The following CDKL5 variants were observed in gnomAD, a reference collection of about 807,000 sequenced individuals.
The protein encoded by CDKL5 is cyclin dependent kinase like 5.
CDKL5 carries 8 observed loss-of-function variants against 61.7 expected under a neutral mutation model. That is an observed-to-expected ratio of 0.13 (90% CI 0.08 to 0.23). CDKL5 has a LOEUF of 0.23. Among genes scored for constraint, CDKL5 ranks in the 10% least tolerant of loss-of-function variants. The probability of loss-of-function intolerance (pLI) is 1.00; values close to 1 mark genes in which losing one functional copy is unlikely to be tolerated. For synonymous variants in CDKL5, 275 were observed against 272.3 expected (o/e 1.01, Z -0.10); for missense variants, 440 against 734.5 (o/e 0.60, Z 4.63).
At chrX:18,530,189 G>A (rs1923592847) in intron 3 of CDKL5, among the ~76,000 whole-genome samples, 1 of 107,683 alleles carries the variant, frequency 9.3e-6, no homozygotes, top group Admixed American at 1.0e-4. Context: ...AAAATTAGCC[G>A]GGCATGGTGG....
intron 6 of CDKL5, 127 bp from the exon 7 acceptor site, chrX:18,581,764 C>G (rs1217022178): frequency 2.3e-5 from 10 of 431,794 alleles, no homozygotes; most frequent in Non-Finnish European, 3.2e-5. Flanking sequence ...TTTATTTTTG[C>G]TGCCACAGTT....
intron 17 of CDKL5, 51 bp from the exon 18 acceptor site, chrX:18,628,320 T>G (rs752455556): frequency 2.9e-5 from 34 of 1,174,138 alleles, no homozygotes; most frequent in Non-Finnish European, 3.8e-5. Context: ...CTCCCCAGCC[T>G]TATGGTCGCT....
At chrX:18,568,449 CTA>C (rs1244279251) in intron 4 of CDKL5, among the ~76,000 whole-genome samples, 1 of 111,581 alleles carries the variant, frequency 9.0e-6, no homozygotes, top group Non-Finnish European at 1.9e-5. Flanking sequence ...TAAAATGAAA[CTA>C]AAATTATGAA....
intron 1 of CDKL5, among the ~76,000 whole-genome samples, chrX:18,428,931 G>A (rs1931423761): frequency 9.0e-6 from 1 of 111,441 alleles, no homozygotes; most frequent in South Asian, 3.7e-4. Context: ...CAAGCCCAAT[G>A]TTAGAAATCT....
intron 3 of CDKL5, among the ~76,000 whole-genome samples, chrX:18,528,071 A>G (rs1321570139): frequency 9.0e-6 from 1 of 111,135 alleles, no homozygotes; most frequent in Non-Finnish European, 1.9e-5. Flanking sequence ...TATGATAGCT[A>G]CAAATTTATT....
chrX:18,509,197 G>GCACGCACACA (rs1204561636), intron 2 of CDKL5, among the ~76,000 whole-genome samples: 16 of 64,308 alleles, frequency 2.5e-4, no homozygotes, highest in East Asian at 6.9e-4. Context: ...CTCAAAACAC[G>GCACGCACACA]CACACACACA....
At chrX:18,524,800 A>G (rs769062499) in intron 3 of CDKL5, among the ~76,000 whole-genome samples, 50 of 112,182 alleles carry the variant, frequency 4.5e-4, no homozygotes, top group Non-Finnish European at 8.1e-4. Context: ...GTCTGTGTCT[A>G]GATCCTTTCT....
Position 18,518,652 on chromosome X carries a change from C to G in CDKL5, c.99+7798C>G, listed in dbSNP as rs549935620. On this transcript the variant is annotated intron_variant, in intron 3 of 17. Coordinates refer to ENST00000623535, the MANE Select transcript of CDKL5 (RefSeq NM_001323289.2). ...ATCTCTTGACCTCATGATCCACCCTCGGCCTCCCAGAGTGCTGGGATTATA... is the reference window on the plus strand; with the variant it reads ...ATCTCTTGACCTCATGATCCACCCTGGGCCTCCCAGAGTGCTGGGATTATA... Among the ~76,000 whole-genome samples the G allele has an allele frequency of 3.7e-5, 4 of 109,311 alleles. No individual in the cohort carries two copies. In the South Asian group the frequency reaches 1.2e-3, roughly 32 times the overall value. The allele number at this position is 109,311 out of a possible 115,157, so 94.9% of individuals were successfully genotyped here.
At position 18,651,258 on chromosome X, in the gene CDKL5, TGTGTGTGAGA is replaced by T. The variant is rs1270800158; in HGVS notation, c.2980+668_2980+677del. On this transcript the variant is annotated intron_variant, in intron 21 of 21. Transcript: ENST00000379989. ...GTGTGTGTGTGTGTGTGTGTGTGTG[TGTGTGTGAGA>T]GAGAGAGAGAGAGAGAGAGACAGAG... is the stretch of plus-strand genomic sequence containing the variant. Among the ~76,000 whole-genome samples the T allele has an allele frequency of 2.0e-4, 19 of 97,203 alleles. No homozygotes were observed. The Admixed American group carries it at 2.0e-3, about 10-fold the overall frequency. The allele number at this position is 97,203 out of a possible 115,157, so 84.4% of individuals were successfully genotyped here.
At chrX:18,476,926 C>T (rs1191592291) in intron 1 of CDKL5, among the ~76,000 whole-genome samples, 3 of 111,627 alleles carry the variant, frequency 2.7e-5, no homozygotes, top group East Asian at 2.8e-4. Flanking sequence ...TGTGCCACCA[C>T]GCCCAGCTAA....
At chrX:18,533,037 A>G (rs1923700033) in intron 3 of CDKL5, among the ~76,000 whole-genome samples, 1 of 112,042 alleles carries the variant, frequency 8.9e-6, no homozygotes, top group Non-Finnish European at 1.9e-5. Context: ...AGAATTAAAT[A>G]TATTTTTAAA....
intron 3 of CDKL5, among the ~76,000 whole-genome samples, chrX:18,531,928 G>A (rs1923661068): frequency 9.3e-6 from 1 of 107,511 alleles, no homozygotes; most frequent in Non-Finnish European, 1.9e-5. Flanking sequence ...GGATGGTCTC[G>A]ATCTCCTGAC....
chrX:18,477,017 C>T (rs1921341592), intron 1 of CDKL5, among the ~76,000 whole-genome samples: 1 of 111,867 alleles, frequency 8.9e-6, no homozygotes, highest in African/African-American at 3.2e-5. Context: ...ATCCGTCCAC[C>T]CTGGCCTCCC....
At chrX:18,644,381 A>G (rs1280641670), downstream of CDKL5, 4 of 1,129,060 alleles carry the variant, frequency 3.5e-6, no homozygotes, top group East Asian at 3.0e-5. Context: ...CAGGAGGGGA[A>G]GTCCCAGAGG....
Position 18,632,759 on chromosome X carries a change from C to CT in CDKL5, c.*4002_*4003insT, listed in dbSNP as rs1927271368. On this transcript the variant is annotated 3_prime_UTR_variant, in exon 18 of 18. Transcript: ENST00000623535. ...GTAGAGTTAGCCAGTTTAGCATGTT[C>CT]CTAATCTGAGAATTAGTGGACTATA... The CT allele has an allele frequency of 1.3e-6, 1 of 753,970 alleles. No homozygotes were observed. The allele number at this position is 753,970 out of a possible 1,213,427, so 62.1% of individuals were successfully genotyped here.
chrX:18,443,861 C>G (rs1931809581), intron 1 of CDKL5: 1 of 111,726 alleles, frequency 9.0e-6, no homozygotes. Context: ...TCCTCAGCCT[C>G]CCAAAGATCT....
intron 3 of CDKL5, among the ~76,000 whole-genome samples, chrX:18,556,603 G>A (rs1400962251): frequency 1.8e-5 from 2 of 111,347 alleles, no homozygotes; most frequent in African/African-American, 6.5e-5. Flanking sequence ...GGTGGGGCTT[G>A]GTGCAAGAGT....
At chrX:18,556,984 T>A (rs1924627646) in intron 3 of CDKL5, among the ~76,000 whole-genome samples, 1 of 111,527 alleles carries the variant, frequency 9.0e-6, no homozygotes, top group African/African-American at 3.3e-5. Context: ...GGGTTTTACT[T>A]ATGCTCAGGG....
chrX:18,476,762 A>G (rs898542602), intron 1 of CDKL5, among the ~76,000 whole-genome samples: 3 of 111,541 alleles, frequency 2.7e-5, no homozygotes, highest in Non-Finnish European at 5.7e-5. Context: ...CATAGACAAC[A>G]TATAGTTGAA....
Sources: gnomAD v4.1 joint callset for allele counts (sites outside exome capture counted in the v4.1 genomes callset) on GRCh38, gnomAD v4.1.1 for gene constraint, MANE v1.5 for transcripts, NCBI Gene and HGNC (gene_info 2026-07-23, HGNC 2026-07-21) for gene names.